SDK1: variants seen among roughly 807,000 people sequenced by gnomAD.
SDK1 encodes the protein protein sidekick-1.
SDK1 carries 157 observed loss-of-function variants against 245.5 expected under a neutral mutation model. The ratio of observed to expected loss-of-function variants is 0.64; its 90% CI spans 0.56 to 0.73. The LOEUF (loss-of-function observed/expected upper bound fraction) is 0.73. Ranked by LOEUF, SDK1 falls within the 30% of genes least tolerant of loss-of-function variation. The pLI, the probability that SDK1 is intolerant of heterozygous loss-of-function variation, is 0.00. For missense variants in SDK1, 3,583 were observed against 3,002.3 expected (o/e 1.19, Z -4.52); for synonymous variants, 1,647 against 1,278.5 (o/e 1.29, Z -6.15).
intron 1 of SDK1, among the ~76,000 whole-genome samples, chr7:3,540,155 C>A (rs112117812): frequency 6.6e-6 from 1 of 152,146 alleles, no homozygotes; most frequent in East Asian, 1.9e-4. Flanking sequence ...GCCGGTAATC[C>A]TAGCACTTTG....
chr7:3,899,244 C>A (rs1781702327), intron 5 of SDK1, among the ~76,000 whole-genome samples: 1 of 152,172 alleles, frequency 6.6e-6, no homozygotes, highest in Non-Finnish European at 1.5e-5. Flanking sequence ...CCCTCAGTCT[C>A]CCTACAGAAA....
intron 4 of SDK1, among the ~76,000 whole-genome samples, chr7:3,737,061 A>G (rs1357610171): frequency 6.6e-6 from 1 of 152,248 alleles, no homozygotes; most frequent in East Asian, 1.9e-4. Flanking sequence ...GAATGCCCTC[A>G]GGATACATCC....
chr7:4,156,483 G>T (rs1780746899), intron 30 of SDK1, among the ~76,000 whole-genome samples: 1 of 152,154 alleles, frequency 6.6e-6, no homozygotes, highest in South Asian at 2.1e-4. Flanking sequence ...GAGTGCAGAG[G>T]GTCTGAGATG....
intron 5 of SDK1, among the ~76,000 whole-genome samples, chr7:3,877,224 G>A (rs1229481261): frequency 3.9e-5 from 6 of 152,158 alleles, no homozygotes; most frequent in South Asian, 2.1e-4. Flanking sequence ...GCAGCTGAGC[G>A]TTGCCCCTGT....
intron 5 of SDK1, among the ~76,000 whole-genome samples, chr7:3,926,994 G>A (rs543547396): frequency 1.3e-5 from 2 of 152,284 alleles, no homozygotes; most frequent in Non-Finnish European, 2.9e-5. Context: ...TTAACTTGGG[G>A]GCCCGTCAAT....
intron 31 of SDK1, among the ~76,000 whole-genome samples, chr7:4,161,290 C>G (rs1351378919): frequency 6.6e-6 from 1 of 152,192 alleles, no homozygotes; most frequent in Non-Finnish European, 1.5e-5. Flanking sequence ...ACCCTGCTGT[C>G]CCAGCCAGCT....
chr7:3,758,026 C>G (rs1327927562), intron 4 of SDK1, among the ~76,000 whole-genome samples: 1 of 152,122 alleles, frequency 6.6e-6, no homozygotes, highest in African/African-American at 2.4e-5. Context: ...AAAGACCAAA[C>G]GTATCTTTCT....
intron 1 of SDK1, among the ~76,000 whole-genome samples, chr7:3,321,693 T>A (rs1779806639): frequency 7.3e-6 from 1 of 136,678 alleles, no homozygotes; most frequent in African/African-American, 2.9e-5. Context: ...CCTTCTTCCT[T>A]CTCCTCCTCC....
At chr7:4,073,756 G>A (rs1780423059) in intron 20 of SDK1, among the ~76,000 whole-genome samples, 1 of 152,146 alleles carries the variant, frequency 6.6e-6, no homozygotes, top group African/African-American at 2.4e-5. Context: ...TGAGAGCAGG[G>A]TCTCGTGCAC....
chr7:3,602,220 A>G (rs536893646), intron 1 of SDK1, among the ~76,000 whole-genome samples: 2 of 151,710 alleles, frequency 1.3e-5, no homozygotes, highest in African/African-American at 4.8e-5. Context: ...GTCAAATGGT[A>G]TTTCTAGTTC....
At chr7:3,551,560 GTTTTTT>G (rs529424717) in intron 1 of SDK1, among the ~76,000 whole-genome samples, 1 of 143,760 alleles carries the variant, frequency 7.0e-6, no homozygotes, top group Non-Finnish European at 1.5e-5. Context: ...TGCCTCATTG[GTTTTTT>G]TTTTTTTAAT....
At chr7:3,870,038 TTC>T (rs1478002668) in intron 5 of SDK1, among the ~76,000 whole-genome samples, 1 of 152,198 alleles carries the variant, frequency 6.6e-6, no homozygotes, top group Non-Finnish European at 1.5e-5. Flanking sequence ...ATAAATGGAG[TTC>T]TGTCATTGCA....
intron 4 of SDK1, among the ~76,000 whole-genome samples, chr7:3,814,843 G>A (rs893462579): frequency 2.9e-4 from 44 of 151,546 alleles, no homozygotes; most frequent in African/African-American, 1.1e-3. Context: ...CTTGTAAGGT[G>A]GATTCCTAGG....
intron 17 of SDK1, among the ~76,000 whole-genome samples, chr7:4,040,762 C>A (rs552366312): frequency 3.9e-5 from 6 of 152,150 alleles, no homozygotes; most frequent in Admixed American, 1.3e-4. Context: ...TTTTATTATG[C>A]GGATGGGTTA....
intron 1 of SDK1, among the ~76,000 whole-genome samples, chr7:3,533,082 A>G (rs1206119558): frequency 6.6e-6 from 1 of 152,240 alleles, no homozygotes. Context: ...TAGATCAGAA[A>G]GAAAATGATT....
intron 1 of SDK1, among the ~76,000 whole-genome samples, chr7:3,567,414 A>G (rs899166367): frequency 2.6e-5 from 4 of 152,210 alleles, no homozygotes; most frequent in Admixed American, 2.6e-4. Context: ...GTTGATTGGT[A>G]TGGACTTTCC....
At chr7:3,896,274 T>C (rs6959674) in intron 5 of SDK1, among the ~76,000 whole-genome samples, 43,039 of 152,228 alleles carry the variant, frequency 0.28, 7,123 homozygotes, top group African/African-American at 0.46. Context: ...AGGCATGTCC[T>C]TAATACTTCT....
At chr7:3,969,760 A>C (rs943739502) in intron 11 of SDK1, among the ~76,000 whole-genome samples, 1 of 152,208 alleles carries the variant, frequency 6.6e-6, no homozygotes, top group Non-Finnish European at 1.5e-5. Context: ...GAAAATTAAG[A>C]ATTAAAATCC....
chr7:4,068,213 C>G (rs937737320), intron 20 of SDK1, among the ~76,000 whole-genome samples: 7 of 152,212 alleles, frequency 4.6e-5, no homozygotes, highest in Non-Finnish European at 1.0e-4. Flanking sequence ...GAGTCTCTGA[C>G]CAATGAGAGT....
Sources: gnomAD v4.1 joint callset for allele counts (sites outside exome capture counted in the v4.1 genomes callset) on GRCh38, gnomAD v4.1.1 for gene constraint, MANE v1.5 for transcripts, NCBI Gene and HGNC (gene_info 2026-07-23, HGNC 2026-07-21) for gene names.